The following DPP10 variants were observed in gnomAD, a reference collection of about 807,000 sequenced individuals.
DPP10 encodes inactive dipeptidyl peptidase 10.
Under a neutral mutation model 120.9 loss-of-function variants are expected in DPP10, and 33 were observed. The ratio of observed to expected loss-of-function variants is 0.27; its 90% CI spans 0.21 to 0.37. DPP10 has a LOEUF of 0.37. Ranked by LOEUF, DPP10 falls within the 10% of genes least tolerant of loss-of-function variation. DPP10 has a pLI of 1.00. For synonymous variants in DPP10, 337 were observed against 326.1 expected, an observed-to-expected ratio of 1.03 and a Z score of -0.36; for missense variants, 816 against 942.8, an observed-to-expected ratio of 0.87 and a Z score of 1.76.
rs1178753535 is a variant in DPP10 at position 115,843,784 on chromosome 2, T to G, written c.*1439T>G. On this transcript the variant is annotated 3_prime_UTR_variant, in exon 26 of 26. Coordinates refer to ENST00000410059, the MANE Select transcript of DPP10 (RefSeq NM_020868.6). ...TTCACTTAAGGGATCTTCCAGAAGA[T>G]ATCTAAAAGTCTGTAATAAGCTTAG... The G allele has an allele frequency of 6.6e-6, 1 of 152,454 alleles. No homozygotes were observed. Among genetic ancestry groups the G allele is most frequent in the African/African-American group, 2.4e-5 (1 of 41,464 alleles). 9.4% of individuals were successfully genotyped at this position (152,454 alleles called of 1,614,324 possible).
At chr2:115,151,715 ATT>A (rs1200514817) in intron 1 of DPP10, among the ~76,000 whole-genome samples, 38 of 139,804 alleles carry the variant, frequency 2.7e-4, no homozygotes, top group African/African-American at 4.9e-4. Flanking sequence ...TCAGTATTGA[ATT>A]TTTTTTTTTT....
chr2:114,811,601 C>A (rs1261184952), intron 1 of DPP10, among the ~76,000 whole-genome samples: 2 of 151,900 alleles, frequency 1.3e-5, no homozygotes, highest in African/African-American at 4.8e-5. Context: ...ACCATCACCT[C>A]ACCATTATCA....
chr2:114,469,907 G>A (rs1679764612), intron 1 of DPP10, among the ~76,000 whole-genome samples: 1 of 152,180 alleles, frequency 6.6e-6, no homozygotes, highest in South Asian at 2.1e-4. Context: ...AAATAGAGAA[G>A]AGAAAGACAG....
intron 3 of DPP10, among the ~76,000 whole-genome samples, chr2:115,375,285 A>G (rs994359698): frequency 1.3e-5 from 2 of 152,200 alleles, no homozygotes; most frequent in African/African-American, 4.8e-5. Context: ...AGTTTCACAG[A>G]TCCCTAGAGC....
intron 1 of DPP10, among the ~76,000 whole-genome samples, chr2:114,472,621 T>C (rs1443992385): frequency 1.3e-5 from 2 of 152,198 alleles, no homozygotes; most frequent in African/African-American, 4.8e-5. Flanking sequence ...TATTATTATC[T>C]CAGGGGACTC....
intron 1 of DPP10, among the ~76,000 whole-genome samples, chr2:115,164,440 A>G (rs2052675290): frequency 6.6e-6 from 1 of 152,066 alleles, no homozygotes; most frequent in African/African-American, 2.4e-5. Flanking sequence ...GTTTTCTATA[A>G]TATTTCATAA....
chr2:115,207,179 C>T (rs911216744), intron 1 of DPP10, among the ~76,000 whole-genome samples: 1 of 152,144 alleles, frequency 6.6e-6, no homozygotes, highest in Admixed American at 6.5e-5. Flanking sequence ...TTTTGCAGAT[C>T]GGCAAACACA....
intron 1 of DPP10, among the ~76,000 whole-genome samples, chr2:115,277,339 A>G (rs2059959837): frequency 6.6e-6 from 1 of 151,882 alleles, no homozygotes; most frequent in Non-Finnish European, 1.5e-5. Context: ...AAATTTCCAG[A>G]CTTTAAGACT....
chr2:114,942,843 A>T (rs908835728), intron 1 of DPP10, among the ~76,000 whole-genome samples: 2 of 152,206 alleles, frequency 1.3e-5, no homozygotes, highest in East Asian at 1.9e-4. Context: ...AATTAGGAAG[A>T]TAACTGAATT....
At chr2:115,473,944 C>A (rs1197606128) in intron 3 of DPP10, among the ~76,000 whole-genome samples, 1 of 152,070 alleles carries the variant, frequency 6.6e-6, no homozygotes, top group Admixed American at 6.6e-5. Flanking sequence ...TCAGTGAAAA[C>A]CTGGAACCAT....
Position 114,569,842 on chromosome 2 carries a change from G to A in DPP10, c.60+127004G>A, listed in dbSNP as rs76414270. 9.5e-3 allele frequency among the ~76,000 whole-genome samples: 1,441 copies of A among 152,164 alleles called. 26 individuals are homozygous for A. The highest frequency in any genetic ancestry group is 0.032 in the African/African-American group (1,348 of 41,536). The stretch of plus-strand genomic sequence containing the variant: ...CTCACACACACACACACGTGTGCAC[G>A]CCTATCAACCTATCAGCCATCTGTT... On this transcript the variant is annotated intron_variant, in intron 1 of 25. Coordinates refer to ENST00000410059, the MANE Select transcript of DPP10 (RefSeq NM_020868.6).
At chr2:114,971,896 A>G (rs898256109) in intron 1 of DPP10, among the ~76,000 whole-genome samples, 1 of 152,196 alleles carries the variant, frequency 6.6e-6, no homozygotes, top group Non-Finnish European at 1.5e-5. Context: ...CACACCTTGC[A>G]CTGATAAAAT....
At chr2:114,496,125 A>C (rs1682496179) in intron 1 of DPP10, among the ~76,000 whole-genome samples, 1 of 152,154 alleles carries the variant, frequency 6.6e-6, no homozygotes, top group African/African-American at 2.4e-5. Context: ...CTAGTTATGA[A>C]GGAAGCAGCT....
chr2:115,739,552 A>G (rs1049333736), intron 8 of DPP10, among the ~76,000 whole-genome samples, 187 bp from the exon 9 acceptor site: 11 of 151,996 alleles, frequency 7.2e-5, no homozygotes, highest in African/African-American at 2.7e-4. Flanking sequence ...TCCTTCCTCT[A>G]CAGCTGCTTG....
At chr2:115,161,991 C>CG in intron 1 of DPP10, 1 of 1,397,276 alleles carries the variant, frequency 7.2e-7, no homozygotes, top group Non-Finnish European at 9.2e-7. Context: ...CAGCCCACCC[C>CG]GGGGGCCAGG....
chr2:114,647,938 G>A (rs1048325300), intron 1 of DPP10, among the ~76,000 whole-genome samples: 3 of 151,926 alleles, frequency 2.0e-5, no homozygotes, highest in Non-Finnish European at 4.4e-5. Flanking sequence ...GTGTTCTATG[G>A]CATTTCTGCA....
chr2:115,837,738 A>C (rs1689678216), intron 24 of DPP10, among the ~76,000 whole-genome samples: 1 of 152,168 alleles, frequency 6.6e-6, no homozygotes, highest in South Asian at 2.1e-4. Context: ...CTCCAAGCCC[A>C]TACATAACAC....
chr2:115,213,646 G>A (rs1406143422), intron 1 of DPP10, among the ~76,000 whole-genome samples: 2 of 152,014 alleles, frequency 1.3e-5, no homozygotes, highest in African/African-American at 4.8e-5. Context: ...AATTTCTTGT[G>A]ATCATTCCTT....
At chr2:114,655,406 C>T (rs1696896017) in intron 1 of DPP10, among the ~76,000 whole-genome samples, 2 of 152,126 alleles carry the variant, frequency 1.3e-5, no homozygotes, top group Admixed American at 1.3e-4. Flanking sequence ...CCTCGTGTTC[C>T]ACTTTCAGAG....
Sources: gnomAD v4.1 joint callset for allele counts (sites outside exome capture counted in the v4.1 genomes callset) on GRCh38, gnomAD v4.1.1 for gene constraint, MANE v1.5 for transcripts, NCBI Gene and HGNC (gene_info 2026-07-23, HGNC 2026-07-21) for gene names.